ARFIP1: variants seen among roughly 807,000 people sequenced by gnomAD.
The protein encoded by ARFIP1 is arfaptin-1.
ARFIP1 carries 24 observed loss-of-function variants against 42.5 expected under a neutral mutation model. That is an observed-to-expected ratio of 0.57 (90% CI 0.41 to 0.80). The LOEUF (loss-of-function observed/expected upper bound fraction) is 0.80, where lower values mean the gene tolerates loss of function less well. Ranked by LOEUF, ARFIP1 falls within the 30% of genes least tolerant of loss-of-function variation. The probability of loss-of-function intolerance (pLI) is 0.00; values close to 1 mark genes in which losing one functional copy is unlikely to be tolerated. For synonymous variants in ARFIP1, 141 were observed against 153.7 expected, an observed-to-expected ratio of 0.92 and a Z score of 0.61; for missense variants, 354 against 434.0, an observed-to-expected ratio of 0.82 and a Z score of 1.64.
At chr4:152,864,825 T>A (rs1734184398) in intron 3 of ARFIP1, among the ~76,000 whole-genome samples, 1 of 152,180 alleles carries the variant, frequency 6.6e-6, no homozygotes, top group Non-Finnish European at 1.5e-5. Flanking sequence ...TTAACTCTTT[T>A]CTGCACACAT....
intron 2 of ARFIP1, among the ~76,000 whole-genome samples, chr4:152,854,315 T>G (rs1733246187): frequency 6.6e-6 from 1 of 152,208 alleles, no homozygotes; most frequent in Non-Finnish European, 1.5e-5. Context: ...GAATTTCCGT[T>G]TGGTTCTTTT....
intron 2 of ARFIP1, among the ~76,000 whole-genome samples, chr4:152,841,719 A>G (rs1346025804): frequency 6.6e-6 from 1 of 152,168 alleles, no homozygotes. Flanking sequence ...ATAGGGCCCC[A>G]ATCCATTCTA....
chr4:152,909,190 G>C (rs535823968), intron 8 of ARFIP1, among the ~76,000 whole-genome samples: 1 of 152,136 alleles, frequency 6.6e-6, no homozygotes, highest in South Asian at 2.1e-4. Context: ...TTTGAGACCA[G>C]CCTGGCCAAC....
intron 5 of ARFIP1, among the ~76,000 whole-genome samples, chr4:152,877,155 A>G (rs1735425549): frequency 6.6e-6 from 1 of 152,142 alleles, no homozygotes; most frequent in Non-Finnish European, 1.5e-5. Context: ...AGACCCCTGA[A>G]TGGTAGATCC....
intron 1 of ARFIP1, among the ~76,000 whole-genome samples, chr4:152,826,879 A>G (rs1730879864): frequency 6.6e-6 from 1 of 152,218 alleles, no homozygotes; most frequent in African/African-American, 2.4e-5. Context: ...GACACATGCT[A>G]CCACATGGAT....
Position 152,910,288 on chromosome 4 carries a change from A to G in ARFIP1, c.*69A>G. On this transcript the variant is annotated 3_prime_UTR_variant, in exon 9 of 9. Coordinates refer to ENST00000353617, the MANE Select transcript of ARFIP1 (RefSeq NM_001025595.3). ...TAAACCAACCTAACAAGAATTAAGC[A>G]GAGTTGGGGGAAGTGGGAGGGGTGA... 6.5e-7 allele frequency: 1 copy of G among 1,533,232 alleles called. No homozygotes were observed. The highest frequency in any genetic ancestry group is 2.3e-5 in the East Asian group (1 of 43,906). The allele number at this position is 1,533,232 out of a possible 1,614,324, so 95.0% of individuals were successfully genotyped here.
intron 8 of ARFIP1, among the ~76,000 whole-genome samples, chr4:152,892,216 AT>A: frequency 6.6e-6 from 1 of 152,212 alleles, no homozygotes; most frequent in African/African-American, 2.4e-5. Context: ...TAGTCATCCT[AT>A]TTCTTAACAG....
At chr4:152,882,504 A>G (rs747377474) in intron 6 of ARFIP1, among the ~76,000 whole-genome samples, 5 of 152,216 alleles carry the variant, frequency 3.3e-5, no homozygotes, top group Non-Finnish European at 5.9e-5. Context: ...GCTTTTAGGT[A>G]TGTATCTGAG....
At position 152,880,945 on chromosome 4, in the gene ARFIP1, T is replaced by C. The variant is rs777645718; in HGVS notation, c.412-18T>C. ...TTTTGTTTTTTCTTTCTAAACAAAA[T>C]GCATCTTCCACTTTTAGTGTACTCG... On this transcript the variant is annotated intron_variant, in intron 5 of 8. Coordinates refer to ENST00000353617, the MANE Select transcript of ARFIP1 (RefSeq NM_001025595.3). The C allele has an allele frequency of 5.7e-6, 9 of 1,583,090 alleles. No individual in the cohort carries two copies.
intron 2 of ARFIP1, among the ~76,000 whole-genome samples, chr4:152,843,798 G>A (rs914118414): frequency 2.0e-5 from 3 of 152,168 alleles, no homozygotes; most frequent in African/African-American, 7.2e-5. Context: ...TCTGTTTCAA[G>A]GCAGAGAGCG....
intron 1 of ARFIP1, among the ~76,000 whole-genome samples, chr4:152,803,541 G>A (rs1421978131): frequency 6.6e-6 from 1 of 152,120 alleles, no homozygotes. Context: ...GTGGTGGGGA[G>A]GTGGTGTCAA....
chr4:152,898,479 A>G (rs921794681), intron 8 of ARFIP1, among the ~76,000 whole-genome samples: 2 of 152,106 alleles, frequency 1.3e-5, no homozygotes, highest in Non-Finnish European at 2.9e-5. Context: ...ATTTTCAAAG[A>G]TGCTTTTTTA....
intron 1 of ARFIP1, chr4:152,810,235 G>A (rs1334888578): frequency 1.3e-5 from 2 of 152,186 alleles, no homozygotes; most frequent in African/African-American, 4.8e-5. Context: ...AAATAATTCA[G>A]TGGTGGCTAA....
At chr4:152,800,447 T>A (rs1483901740) in intron 1 of ARFIP1, among the ~76,000 whole-genome samples, 1 of 152,168 alleles carries the variant, frequency 6.6e-6, no homozygotes, top group African/African-American at 2.4e-5. Flanking sequence ...GAGCTATGAT[T>A]TGAGCCTCAA....
At chr4:152,843,081 C>T (rs796414963) in intron 2 of ARFIP1, among the ~76,000 whole-genome samples, 14 of 152,204 alleles carry the variant, frequency 9.2e-5, no homozygotes, top group South Asian at 2.1e-4. Context: ...TGAAGGCTGT[C>T]GTTCAGATTT....
chr4:152,889,539 C>CT (rs1736564288), intron 8 of ARFIP1, among the ~76,000 whole-genome samples: 1 of 55,884 alleles, frequency 1.8e-5, no homozygotes, highest in Admixed American at 1.9e-4. Flanking sequence ...ATATATACAC[C>CT]TATTTTTGTG....
chr4:152,894,185 A>C (rs1027178958), intron 8 of ARFIP1, among the ~76,000 whole-genome samples: 1 of 150,102 alleles, frequency 6.7e-6, no homozygotes, highest in African/African-American at 2.5e-5. Context: ...TCCAGCCTAG[A>C]TGACAGAGCG....
chr4:152,891,884 T>G (rs1736887719), intron 8 of ARFIP1, among the ~76,000 whole-genome samples: 1 of 152,108 alleles, frequency 6.6e-6, no homozygotes, highest in Non-Finnish European at 1.5e-5. Context: ...ATTTTTTTTT[T>G]TTCTAGTAGA....
At chr4:152,867,789 T>C (rs1734537327) in intron 3 of ARFIP1, among the ~76,000 whole-genome samples, 1 of 152,190 alleles carries the variant, frequency 6.6e-6, no homozygotes, top group Admixed American at 6.5e-5. Flanking sequence ...ATAATGGCAG[T>C]AATATATGTC....
Sources: allele counts gnomAD v4.1 joint callset (sites outside exome capture counted in the v4.1 genomes callset), GRCh38; gene constraint gnomAD v4.1.1; transcripts MANE v1.5; gene names NCBI Gene and HGNC (gene_info 2026-07-23, HGNC 2026-07-21).